The following ANO2 variants were observed in gnomAD, a reference collection of about 807,000 sequenced individuals.
ANO2 encodes anoctamin 2, also known as anoctamin-2.
A neutral mutation model predicts 124.2 loss-of-function variants in ANO2; 101 were observed. The ratio of observed to expected loss-of-function variants is 0.81; its 90% confidence interval spans 0.69 to 0.96. ANO2 has a LOEUF of 0.96. Ranked by LOEUF, ANO2 falls within the 40% of genes least tolerant of loss-of-function variation. The pLI, the probability that ANO2 is intolerant of heterozygous loss-of-function variation, is 0.00. For missense variants in ANO2, 1,293 were observed against 1,274.5 expected (o/e 1.01, Z -0.22); for synonymous variants, 486 against 482.5 (o/e 1.01, Z -0.09).
chr12:5,836,050 G>A (rs990101732), intron 4 of ANO2, among the ~76,000 whole-genome samples: 1 of 131,408 alleles, frequency 7.6e-6, no homozygotes, highest in Non-Finnish European at 1.6e-5. Flanking sequence ...TCCTCCAGAT[G>A]CCTTTCAATG....
intron 10 of ANO2, among the ~76,000 whole-genome samples, chr12:5,767,215 T>C (rs1951920315): frequency 1.3e-5 from 2 of 152,154 alleles, no homozygotes; most frequent in South Asian, 4.1e-4. Context: ...CAAACAAATG[T>C]GGGTGTTCTT....
intron 1 of ANO2, among the ~76,000 whole-genome samples, chr12:5,928,444 T>C (rs1354290306): frequency 2.0e-5 from 2 of 98,932 alleles, no homozygotes; most frequent in East Asian, 9.3e-4. Flanking sequence ...TCTACTTTCC[T>C]TCCTCCGTAG....
At chr12:5,940,215 G>C (rs11063945) in intron 1 of ANO2, among the ~76,000 whole-genome samples, 18,279 of 152,166 alleles carry the variant, frequency 0.12, 1,245 homozygotes, top group African/African-American at 0.18. Context: ...TTGCCTTCCC[G>C]TTTGATATGG....
intron 14 of ANO2, among the ~76,000 whole-genome samples, chr12:5,662,381 T>TG (rs1947491078): frequency 6.6e-6 from 1 of 151,754 alleles, no homozygotes; most frequent in African/African-American, 2.4e-5. Flanking sequence ...CTTCTTAGTG[T>TG]GAAAAAAAAA....
chr12:5,808,531 GGA>G (rs777431442), intron 7 of ANO2, among the ~76,000 whole-genome samples: 27 of 152,220 alleles, frequency 1.8e-4, no homozygotes, highest in Middle Eastern at 6.8e-3. Flanking sequence ...TGGAGGGGGA[GGA>G]GAGGGGGAAT....
intron 14 of ANO2, among the ~76,000 whole-genome samples, chr12:5,723,824 T>C (rs1950330257): frequency 6.6e-6 from 1 of 152,198 alleles, no homozygotes; most frequent in Non-Finnish European, 1.5e-5. Flanking sequence ...GTGTCCTTAT[T>C]ACCAAATATG....
At chr12:5,706,342 C>T (rs1455630625) in intron 14 of ANO2, among the ~76,000 whole-genome samples, 1 of 151,972 alleles carries the variant, frequency 6.6e-6, no homozygotes, top group Non-Finnish European at 1.5e-5. Flanking sequence ...AGATCTCATC[C>T]CCTCCCCACT....
chr12:5,892,345 G>A (rs899309715), intron 3 of ANO2, among the ~76,000 whole-genome samples: 2 of 152,114 alleles, frequency 1.3e-5, no homozygotes, highest in Non-Finnish European at 2.9e-5. Flanking sequence ...AGAAGAATGA[G>A]TACAGCATAG....
At chr12:5,627,002 A>T (rs1945446692) in intron 16 of ANO2, among the ~76,000 whole-genome samples, 2 of 152,192 alleles carry the variant, frequency 1.3e-5, no homozygotes, top group Admixed American at 1.3e-4. Flanking sequence ...TTTGCAGGGA[A>T]ATGAGAGATG....
chr12:5,633,617 C>T (rs964357430), intron 16 of ANO2, among the ~76,000 whole-genome samples: 2 of 152,136 alleles, frequency 1.3e-5, no homozygotes, highest in Non-Finnish European at 2.9e-5. Flanking sequence ...TGGTCAACTC[C>T]GTCAGCACAG....
chr12:5,773,021 G>A (rs529123650), intron 10 of ANO2, among the ~76,000 whole-genome samples: 3 of 152,374 alleles, frequency 2.0e-5, no homozygotes, highest in African/African-American at 7.2e-5. Context: ...GGCATGAGCA[G>A]GAGTCAGCGG....
chr12:5,860,450 G>A (rs766260164), intron 3 of ANO2, among the ~76,000 whole-genome samples: 14 of 152,112 alleles, frequency 9.2e-5, no homozygotes, highest in Admixed American at 2.0e-4. Context: ...AGTACCTGAC[G>A]TATAGTAAGT....
chr12:5,717,719 T>C (rs1200487004), intron 14 of ANO2, among the ~76,000 whole-genome samples: 1 of 152,180 alleles, frequency 6.6e-6, no homozygotes, highest in African/African-American at 2.4e-5. Context: ...GGCAGGAGCC[T>C]AGGAATATTA....
At chr12:5,796,344 T>TCA (rs1452531670) in intron 10 of ANO2, among the ~76,000 whole-genome samples, 2 of 146,604 alleles carry the variant, frequency 1.4e-5, no homozygotes, top group Non-Finnish European at 3.0e-5. Flanking sequence ...TCATGCACGC[T>TCA]CACACTCTCA....
chr12:5,827,050 C>T (rs565515830), intron 7 of ANO2, among the ~76,000 whole-genome samples: 1 of 152,156 alleles, frequency 6.6e-6, no homozygotes, highest in Admixed American at 6.5e-5. Flanking sequence ...GGTGTTTGTG[C>T]GTGACTTTTT....
intron 14 of ANO2, among the ~76,000 whole-genome samples, chr12:5,667,048 A>C (rs1281819140): frequency 8.5e-5 from 13 of 152,172 alleles, no homozygotes; most frequent in Non-Finnish European, 1.6e-4. Flanking sequence ...TCACATGCCG[A>C]TGCTGAGAAA....
At chr12:5,922,530 C>T in intron 2 of ANO2, 90 bp downstream of exon 2, 1 of 1,376,160 alleles carries the variant, frequency 7.3e-7, no homozygotes, top group Non-Finnish European at 9.6e-7. Context: ...ACATGTGCTC[C>T]CAACTGGAGG....
intron 16 of ANO2, among the ~76,000 whole-genome samples, chr12:5,634,498 T>A (rs1007560692): frequency 6.6e-6 from 1 of 152,190 alleles, no homozygotes; most frequent in Non-Finnish European, 1.5e-5. Context: ...GTCTTGACTG[T>A]CAGCCTCCCC....
intron 7 of ANO2, among the ~76,000 whole-genome samples, chr12:5,822,905 C>G (rs1312963677): frequency 6.6e-6 from 1 of 152,118 alleles, no homozygotes; most frequent in Admixed American, 6.5e-5. Context: ...ATGGCAGTGG[C>G]AAGAGGGCAA....
Sources: allele counts gnomAD v4.1 joint callset (sites outside exome capture counted in the v4.1 genomes callset), GRCh38; gene constraint gnomAD v4.1.1; transcripts MANE v1.5; gene names NCBI Gene and HGNC (gene_info 2026-07-23, HGNC 2026-07-21).